NFKB1: variants seen among roughly 807,000 people sequenced by gnomAD.
The protein encoded by NFKB1 is nuclear factor kappa B subunit 1, also known as nuclear factor NF-kappa-B p105 subunit.
NFKB1 carries 9 observed loss-of-function variants against 105.1 expected under a neutral mutation model. That is an observed-to-expected ratio of 0.09 (90% CI 0.05 to 0.15). NFKB1 has a LOEUF of 0.15. Among genes scored for constraint, NFKB1 ranks in the 10% least tolerant of loss-of-function variants. The pLI, the probability that NFKB1 is intolerant of heterozygous loss-of-function variation, is 1.00. For synonymous variants in NFKB1, 440 were observed against 442.2 expected (o/e 1.00, Z 0.06); for missense variants, 830 against 1,203.7 (o/e 0.69, Z 4.59).
chr4:102,546,098 A>G (rs57834461), intron 5 of NFKB1, among the ~76,000 whole-genome samples: 2,703 of 152,222 alleles, frequency 0.018, 40 homozygotes, highest in African/African-American at 0.045. Flanking sequence ...TATAAAAAAA[A>G]TTTTTTAAAG....
In NFKB1 at chr4:102,593,500, C is replaced by G; in HGVS notation, c.1142C>G (p.Ala381Gly). 1 of 1,613,428 alleles carries G rather than the reference C, an allele frequency of 6.2e-7. No individual in the cohort carries two copies. Among genetic ancestry groups the G allele is most frequent in the African/African-American group, 1.3e-5 (1 of 74,942 alleles). The change falls in exon 12 of 24, where the codon GCT becomes GGT. Residue 381 changes from alanine to glycine, a missense_variant. By Grantham distance (60) the Ala-to-Gly change is moderately conservative. Transcript: ENST00000226574. ...FSDSFGGGSG[A>G]GAGGGGMFGS... The stretch of plus-strand genomic sequence containing the variant: ...GATAGTTTCGGCGGTGGTAGTGGTG[C>G]TGGAGCTGGAGGCGGAGGCATGTTT...
intron 1 of NFKB1, among the ~76,000 whole-genome samples, chr4:102,504,519 A>T (rs574438770): frequency 6.6e-6 from 1 of 152,280 alleles, no homozygotes; most frequent in Non-Finnish European, 1.5e-5. Flanking sequence ...GGAGAAGGAA[A>T]AATAGAAGTT....
intron 1 of NFKB1, among the ~76,000 whole-genome samples, chr4:102,514,504 C>T (rs1739996478): frequency 6.6e-6 from 1 of 152,186 alleles, no homozygotes; most frequent in African/African-American, 2.4e-5. Flanking sequence ...GCATCCCTCA[C>T]CAGATACCAA....
intron 7 of NFKB1, chr4:102,578,523 C>T (rs752070787): frequency 5.5e-4 from 163 of 295,098 alleles, no homozygotes; most frequent in Middle Eastern, 2.7e-3. Context: ...CTTCTCAATA[C>T]AGCTGGTGCC....
intron 23 of NFKB1, among the ~76,000 whole-genome samples, chr4:102,614,025 A>G (rs1273515419): frequency 6.6e-6 from 1 of 152,148 alleles, no homozygotes; most frequent in African/African-American, 2.4e-5. Context: ...CTCTCAACCC[A>G]GCCCAGTAAT....
intron 1 of NFKB1, among the ~76,000 whole-genome samples, chr4:102,504,604 C>T (rs769412136): frequency 6.6e-6 from 1 of 152,178 alleles, no homozygotes; most frequent in Non-Finnish European, 1.5e-5. Flanking sequence ...TTGATGACTA[C>T]GTCTTGGTAA....
chr4:102,527,206 T>A (rs905705021), intron 2 of NFKB1, among the ~76,000 whole-genome samples: 5 of 152,196 alleles, frequency 3.3e-5, no homozygotes, highest in African/African-American at 1.2e-4. Flanking sequence ...ATTGTTTTCA[T>A]ATGGTGATAT....
chr4:102,503,745 C>A (rs1365022131), intron 1 of NFKB1, among the ~76,000 whole-genome samples: 2 of 152,118 alleles, frequency 1.3e-5, no homozygotes, highest in South Asian at 2.1e-4. Context: ...GATTAAAGCA[C>A]AATTAATCTG....
chr4:102,590,770 C>A (rs1191599741), intron 11 of NFKB1, among the ~76,000 whole-genome samples: 2 of 152,122 alleles, frequency 1.3e-5, no homozygotes, highest in Non-Finnish European at 2.9e-5. Flanking sequence ...CAGTGGCCTC[C>A]AAGTGTTCAA....
At chr4:102,518,974 C>G (rs1160387194) in intron 1 of NFKB1, among the ~76,000 whole-genome samples, 4 of 152,030 alleles carry the variant, frequency 2.6e-5, no homozygotes, top group Admixed American at 2.0e-4. Flanking sequence ...AGAGTATGTC[C>G]GTAGGTCTGC....
chr4:102,581,114 C>T (rs574372196), intron 9 of NFKB1, among the ~76,000 whole-genome samples: 2 of 152,226 alleles, frequency 1.3e-5, no homozygotes, highest in African/African-American at 4.8e-5. Context: ...GGAAAGAAAA[C>T]AGGGAATACA....
chr4:102,529,571 G>A (rs963288301), intron 2 of NFKB1, among the ~76,000 whole-genome samples: 5 of 152,192 alleles, frequency 3.3e-5, no homozygotes, highest in Non-Finnish European at 7.4e-5. Context: ...CCAGGTCCCT[G>A]CCTCTGGGGA....
intron 1 of NFKB1, among the ~76,000 whole-genome samples, chr4:102,522,649 A>T (rs1329324356): frequency 6.6e-6 from 1 of 152,230 alleles, no homozygotes; most frequent in Non-Finnish European, 1.5e-5. Context: ...AAAACCATCC[A>T]CAGGTTTAAA....
intron 12 of NFKB1, 46 bp from the exon 13 acceptor site, chr4:102,594,846 G>T (rs956385918): frequency 9.2e-6 from 13 of 1,409,206 alleles, no homozygotes; most frequent in Non-Finnish European, 1.3e-5. Context: ...CTGAGTCTTT[G>T]TAAAATATCT....
At chr4:102,558,462 C>A (rs534002655) in intron 5 of NFKB1, among the ~76,000 whole-genome samples, 6 of 152,140 alleles carry the variant, frequency 3.9e-5, no homozygotes, top group Non-Finnish European at 7.4e-5. Context: ...CAGTTATCTC[C>A]ACTCCTCACC....
intron 5 of NFKB1, among the ~76,000 whole-genome samples, chr4:102,561,271 T>TGTGTGTG (rs1295254264): frequency 2.8e-5 from 3 of 108,334 alleles, no homozygotes; most frequent in African/African-American, 1.2e-4. Flanking sequence ...TTTCCTTTTT[T>TGTGTGTG]TTTTTTTTTT....
At chr4:102,555,307 T>A (rs570275658) in intron 5 of NFKB1, among the ~76,000 whole-genome samples, 151 of 152,302 alleles carry the variant, frequency 9.9e-4, no homozygotes, top group African/African-American at 3.4e-3. Context: ...TGGAGACAAT[T>A]ATTTATTTAT....
chr4:102,505,612 T>C (rs562824913), intron 1 of NFKB1, among the ~76,000 whole-genome samples: 1 of 152,310 alleles, frequency 6.6e-6, no homozygotes, highest in East Asian at 1.9e-4. Flanking sequence ...TGAGTTCATC[T>C]ATGGATCCTA....
rs188306660 is a variant in NFKB1, at chr4:102,532,933, A to G, written c.119-912A>G. ...GAAGCTTAAGGACTTTTTCATATTG[A>G]ACAGTTTGTACTTATGTTGTCAGAG... On this transcript the variant is annotated intron_variant, in intron 3 of 23. Transcript: ENST00000226574. Among the ~76,000 whole-genome samples, 29 of 152,334 alleles carry G rather than the reference A, an allele frequency of 1.9e-4. 1 individual carries two copies. The highest frequency in any genetic ancestry group is 6.7e-4 in the African/African-American group (28 of 41,580).
Sources: gnomAD v4.1 joint callset for allele counts (sites outside exome capture counted in the v4.1 genomes callset) on GRCh38, gnomAD v4.1.1 for gene constraint, MANE v1.5 for transcripts, NCBI Gene and HGNC (gene_info 2026-07-23, HGNC 2026-07-21) for gene names.